HSD17B12: variants seen among roughly 807,000 people sequenced by gnomAD.
HSD17B12 encodes the protein hydroxysteroid 17-beta dehydrogenase 12.
In HSD17B12, 32 loss-of-function variants were observed where a neutral mutation model predicts 39.3. The ratio of observed to expected loss-of-function variants is 0.81; its 90% CI spans 0.61 to 1.09. The LOEUF is 1.09. Among genes scored for constraint, HSD17B12 ranks in the 50% least tolerant of loss-of-function variants. The probability of loss-of-function intolerance (pLI) is 0.00; values close to 1 mark genes in which losing one functional copy is unlikely to be tolerated. For synonymous variants in HSD17B12, 150 were observed against 146.7 expected (o/e 1.02, Z -0.16); for missense variants, 342 against 382.9 (o/e 0.89, Z 0.89).
chr11:43,816,246 C>A, intron 5 of HSD17B12, 101 bp from the exon 6 acceptor site: 1 of 982,046 alleles, frequency 1.0e-6, no homozygotes, highest in Non-Finnish European at 1.4e-6. Flanking sequence ...TCTGCAATAT[C>A]TGGGGAAATG....
the HSD17B12 span, among the ~76,000 whole-genome samples, chr11:43,651,026 G>A: frequency 6.6e-5 from 10 of 152,214 alleles, no homozygotes; most frequent in Non-Finnish European, 1.5e-4. Flanking sequence ...CATAAGGGGA[G>A]AGTAATGTGC....
chr11:43,766,925 G>T (rs1950600730), intron 3 of HSD17B12, among the ~76,000 whole-genome samples: 1 of 152,148 alleles, frequency 6.6e-6, no homozygotes, highest in Non-Finnish European at 1.5e-5. Context: ...CTCTGATAGA[G>T]AAAAACATCT....
the HSD17B12 span, among the ~76,000 whole-genome samples, chr11:43,578,682 G>A: frequency 6.6e-6 from 1 of 151,720 alleles, no homozygotes; most frequent in Non-Finnish European, 1.5e-5. Flanking sequence ...TGCCACAATT[G>A]CAAAGGAAAT....
chr11:43,635,201 G>GA, the HSD17B12 span, among the ~76,000 whole-genome samples: 1 of 151,976 alleles, frequency 6.6e-6, no homozygotes, highest in Non-Finnish European at 1.5e-5. Flanking sequence ...TAGTAATAGT[G>GA]AAAAAAACTT....
intron 1 of HSD17B12, among the ~76,000 whole-genome samples, chr11:43,735,990 C>G (rs1159717487): frequency 6.6e-6 from 1 of 152,188 alleles, no homozygotes; most frequent in Non-Finnish European, 1.5e-5. Context: ...TTCCGTGTTA[C>G]TCCCACATTT....
the HSD17B12 span, among the ~76,000 whole-genome samples, chr11:43,606,334 G>T: frequency 1.3e-5 from 2 of 152,282 alleles, no homozygotes; most frequent in South Asian, 4.1e-4. Context: ...TCCTAAAGTG[G>T]CCCTACTTCA....
chr11:43,689,572 G>C (rs1346997280), intron 1 of HSD17B12, among the ~76,000 whole-genome samples: 1 of 151,502 alleles, frequency 6.6e-6, no homozygotes, highest in Non-Finnish European at 1.5e-5. Flanking sequence ...TTTGAAGCTG[G>C]GTCCTGCTCT....
the HSD17B12 span, among the ~76,000 whole-genome samples, chr11:43,631,759 C>G: frequency 6.6e-6 from 1 of 152,142 alleles, no homozygotes; most frequent in Non-Finnish European, 1.5e-5. Flanking sequence ...CTAAACGTAT[C>G]TTGCAGCTAC....
chr11:43,580,806 C>T, the HSD17B12 span, among the ~76,000 whole-genome samples: 1 of 151,808 alleles, frequency 6.6e-6, no homozygotes, highest in South Asian at 2.1e-4. Context: ...TTTCTCCCTC[C>T]CCCTTCTGAA....
chr11:43,632,322 A>G, the HSD17B12 span, among the ~76,000 whole-genome samples: 1 of 152,184 alleles, frequency 6.6e-6, no homozygotes, highest in Admixed American at 6.5e-5. Context: ...TGTAAAGCTA[A>G]TTGGGAGATA....
At chr11:43,615,521 C>T in the HSD17B12 span, among the ~76,000 whole-genome samples, 28 of 152,182 alleles carry the variant, frequency 1.8e-4, no homozygotes, top group African/African-American at 6.5e-4. Flanking sequence ...AAACTCCAAC[C>T]TCTACCTCAT....
At chr11:43,585,378 A>T in the HSD17B12 span, among the ~76,000 whole-genome samples, 2 of 152,154 alleles carry the variant, frequency 1.3e-5, no homozygotes, top group Non-Finnish European at 2.9e-5. Context: ...AGGAAAGGAG[A>T]AACCAAGCTA....
chr11:43,619,226 A>T, the HSD17B12 span, among the ~76,000 whole-genome samples: 1 of 36,268 alleles, frequency 2.8e-5, no homozygotes, highest in Non-Finnish European at 5.1e-5. Context: ...ATATATATAT[A>T]TGATATATAT....
the HSD17B12 span, among the ~76,000 whole-genome samples, chr11:43,590,651 C>T: frequency 6.6e-6 from 1 of 151,048 alleles, no homozygotes; most frequent in African/African-American, 2.4e-5. Context: ...GCTGGGACTA[C>T]AGGTACATGC....
At chr11:43,632,264 C>T in the HSD17B12 span, among the ~76,000 whole-genome samples, 1 of 152,248 alleles carries the variant, frequency 6.6e-6, no homozygotes, top group East Asian at 1.9e-4. Context: ...ATTAGATGAT[C>T]TCTGAGGACT....
chr11:43,673,824 A>G, the HSD17B12 span, among the ~76,000 whole-genome samples: 58,590 of 151,950 alleles, frequency 0.39, 12,717 homozygotes, highest in East Asian at 0.76. Context: ...GTCATTTTTT[A>G]GATGCTGCTT....
intron 1 of HSD17B12, among the ~76,000 whole-genome samples, chr11:43,696,849 A>G (rs954851838): frequency 5.3e-5 from 8 of 152,186 alleles, no homozygotes; most frequent in African/African-American, 1.7e-4. Context: ...GAATGAGATC[A>G]TGTCCTTTAC....
At chr11:43,645,151 T>G in the HSD17B12 span, 6 of 152,118 alleles carry the variant, frequency 3.9e-5, no homozygotes, top group African/African-American at 1.5e-4. Context: ...TGTTTCAACA[T>G]TTGAGGCTAA....
At chr11:43,577,219 G>A in the HSD17B12 span, among the ~76,000 whole-genome samples, 6 of 152,228 alleles carry the variant, frequency 3.9e-5, no homozygotes, top group Non-Finnish European at 8.8e-5. Context: ...TGCGCCAGGG[G>A]GCGGGGTTGG....
Sources: gnomAD v4.1 joint callset for allele counts (sites outside exome capture counted in the v4.1 genomes callset) on GRCh38, gnomAD v4.1.1 for gene constraint, MANE v1.5 for transcripts, NCBI Gene and HGNC (gene_info 2026-07-23, HGNC 2026-07-21) for gene names.